CDC14A: variants seen among roughly 807,000 people sequenced by gnomAD.
The protein encoded by CDC14A is cell division cycle 14A.
A neutral mutation model predicts 74.4 loss-of-function variants in CDC14A; 53 were observed. That is an observed-to-expected ratio of 0.71 (90% CI 0.57 to 0.89). The LOEUF is 0.89. CDC14A is among the 40% of genes least tolerant of loss of function. The pLI is 0.00. For missense variants in CDC14A, 646 were observed against 713.7 expected (o/e 0.91, Z 1.08); for synonymous variants, 247 against 258.4 (o/e 0.96, Z 0.43).
chr1:100,374,335 T>A (rs1191598943), intron 2 of CDC14A, among the ~76,000 whole-genome samples: 1 of 152,202 alleles, frequency 6.6e-6, no homozygotes, highest in Admixed American at 6.5e-5. Flanking sequence ...ATGGGATGGC[T>A]GGGTCAAATG....
intron 2 of CDC14A, among the ~76,000 whole-genome samples, chr1:100,359,992 G>A (rs977226228): frequency 1.3e-5 from 2 of 148,228 alleles, no homozygotes; most frequent in Admixed American, 6.7e-5. Context: ...TGCCAGGCTG[G>A]AGTGCAGTGG....
intron 2 of CDC14A, among the ~76,000 whole-genome samples, chr1:100,354,413 T>G (rs948248130): frequency 1.3e-5 from 2 of 152,208 alleles, no homozygotes; most frequent in Non-Finnish European, 2.9e-5. Flanking sequence ...ACCCCAAACT[T>G]TTTGATATTA....
chr1:100,458,408 T>C (rs1355785108), intron 8 of CDC14A, among the ~76,000 whole-genome samples: 5 of 152,238 alleles, frequency 3.3e-5, no homozygotes, highest in Non-Finnish European at 5.9e-5. Flanking sequence ...TTTTATTCTA[T>C]GCATGTATTG....
chr1:100,404,755 G>A (rs1489918213), intron 4 of CDC14A, among the ~76,000 whole-genome samples: 7 of 151,930 alleles, frequency 4.6e-5, no homozygotes, highest in Non-Finnish European at 7.4e-5. Context: ...GCTTGAACCC[G>A]GGAGGCGGAG....
intron 4 of CDC14A, among the ~76,000 whole-genome samples, chr1:100,421,236 G>A (rs1557742052): frequency 6.6e-6 from 1 of 152,070 alleles, no homozygotes. Context: ...TTTCCCCTTA[G>A]GAGCACAAGA....
chr1:100,471,939 T>C (rs1302253225), intron 10 of CDC14A, among the ~76,000 whole-genome samples: 1 of 152,174 alleles, frequency 6.6e-6, no homozygotes, highest in Admixed American at 6.5e-5. Context: ...TTAACAAAGA[T>C]ATCTTAAGTG....
intron 1 of CDC14A, among the ~76,000 whole-genome samples, chr1:100,353,306 G>T (rs538630185): frequency 1.6e-4 from 25 of 152,284 alleles, no homozygotes; most frequent in East Asian, 7.7e-4. Flanking sequence ...GATGCTCACC[G>T]GTCACCTTTA....
At chr1:100,369,971 T>A (rs949520932) in intron 2 of CDC14A, among the ~76,000 whole-genome samples, 7 of 150,972 alleles carry the variant, frequency 4.6e-5, no homozygotes, top group African/African-American at 1.7e-4. Context: ...CCACCACACC[T>A]GGCTAATTAA....
At chr1:100,514,376 G>T (rs1307989073) in intron 15 of CDC14A, among the ~76,000 whole-genome samples, 1 of 151,956 alleles carries the variant, frequency 6.6e-6, no homozygotes, top group African/African-American at 2.4e-5. Context: ...TTGAATTCAG[G>T]CCTGATGAAA....
intron 5 of CDC14A, among the ~76,000 whole-genome samples, chr1:100,432,453 C>A (rs1460637629): frequency 6.6e-6 from 1 of 152,092 alleles, no homozygotes; most frequent in Non-Finnish European, 1.5e-5. Flanking sequence ...TCAGTCTAGT[C>A]CAAACTGAGA....
In CDC14A at chr1:100,389,104, G is replaced by A. The variant is rs572555858; in HGVS notation, c.217-1628G>A. Among the ~76,000 whole-genome samples the A allele has an allele frequency of 7.5e-4, 102 of 136,762 alleles. 1 individual carries two copies. The South Asian group carries it at 0.021, about 29-fold the overall frequency. The allele number at this position is 136,762 out of a possible 152,430, so 89.7% of individuals were successfully genotyped here. ...GTGAGAGGATCGATTGAGGCTGAGAGGTCAAGGCTGCAGTGAGCCAGATCA... is the reference window on the plus strand; with the variant it reads ...GTGAGAGGATCGATTGAGGCTGAGAAGTCAAGGCTGCAGTGAGCCAGATCA... On this transcript the variant is annotated intron_variant, in intron 3 of 15. Transcript: ENST00000336454.
chr1:100,507,130 A>G (rs1244353041), intron 15 of CDC14A, among the ~76,000 whole-genome samples: 1 of 152,242 alleles, frequency 6.6e-6, no homozygotes, highest in African/African-American at 2.4e-5. Context: ...AGACAAATAC[A>G]TACAAGCCAT....
At chr1:100,417,978 A>T (rs1280697103) in intron 4 of CDC14A, among the ~76,000 whole-genome samples, 1 of 152,188 alleles carries the variant, frequency 6.6e-6, no homozygotes, top group African/African-American at 2.4e-5. Context: ...GAAACTAATT[A>T]CAAAAGAGCT....
At chr1:100,402,095 T>C (rs1659340544) in intron 4 of CDC14A, among the ~76,000 whole-genome samples, 1 of 151,386 alleles carries the variant, frequency 6.6e-6, no homozygotes, top group South Asian at 2.1e-4. Flanking sequence ...AATTTTTAAT[T>C]AGAGTTGGAT....
intron 2 of CDC14A, among the ~76,000 whole-genome samples, chr1:100,368,591 A>G (rs1653977115): frequency 6.6e-6 from 1 of 152,236 alleles, no homozygotes; most frequent in Admixed American, 6.5e-5. Context: ...TTTTTAAAAA[A>G]TTTCAACTTT....
At chr1:100,442,336 T>G (rs963515898) in intron 6 of CDC14A, among the ~76,000 whole-genome samples, 2 of 146,568 alleles carry the variant, frequency 1.4e-5, no homozygotes, top group Non-Finnish European at 3.0e-5. Flanking sequence ...ATATTATGTA[T>G]TATATATAAA....
chr1:100,494,741 T>C (rs981189167), intron 11 of CDC14A, 77 bp from the exon 12 acceptor site: 1 of 684,914 alleles, frequency 1.5e-6, no homozygotes, highest in Non-Finnish European at 2.6e-6. Context: ...ATAAAATGTA[T>C]CTATATATGT....
intron 7 of CDC14A, among the ~76,000 whole-genome samples, chr1:100,454,476 G>A (rs1315131897): frequency 1.3e-5 from 2 of 152,032 alleles, no homozygotes; most frequent in East Asian, 1.9e-4. Flanking sequence ...AACCTTACTC[G>A]TGCCCCAGTG....
chr1:100,456,220 GA>G (rs1666666125), intron 8 of CDC14A, among the ~76,000 whole-genome samples: 1 of 151,814 alleles, frequency 6.6e-6, no homozygotes, highest in South Asian at 2.1e-4. Context: ...ACATATTTAG[GA>G]AAAAAATAAA....
Sources: allele counts gnomAD v4.1 joint callset (sites outside exome capture counted in the v4.1 genomes callset), GRCh38; gene constraint gnomAD v4.1.1; transcripts MANE v1.5; gene names NCBI Gene and HGNC (gene_info 2026-07-23, HGNC 2026-07-21).